Variants in PRSS23 observed in about 807,000 individuals in gnomAD.
PRSS23 encodes protease, serine 23.
PRSS23 carries 25 observed loss-of-function variants against 34.7 expected under a neutral mutation model. The observed-to-expected ratio is 0.72, with a 90% CI of 0.53 to 1.01. The LOEUF is 1.01. PRSS23 is among the 50% of genes least tolerant of loss of function. The pLI, the probability that PRSS23 is intolerant of heterozygous loss-of-function variation, is 0.00. For synonymous variants in PRSS23, 176 were observed against 186.6 expected (o/e 0.94, Z 0.46); for missense variants, 445 against 475.6 (o/e 0.94, Z 0.60).
chr11:86,806,762 CTT>C (rs2135598279), intron 1 of PRSS23, among the ~76,000 whole-genome samples: 1 of 152,312 alleles, frequency 6.6e-6, no homozygotes, highest in East Asian at 1.9e-4. Flanking sequence ...TTTAACAAAT[CTT>C]TGTCGAGTGC....
rs950068977 is a variant in PRSS23, at chr11:86,875,683, A to G, written c.206+52090A>G. On this transcript the variant is annotated intron_variant, in intron 2 of 2. Coordinates refer to the PRSS23 transcript ENST00000533902. ...AACTGCGTAATATAGAAGGAACATCAGAACAAGTTTATTTTCTTTACAGAC... is the reference window on the plus strand; with the variant it reads ...AACTGCGTAATATAGAAGGAACATCGGAACAAGTTTATTTTCTTTACAGAC... Among the ~76,000 whole-genome samples the G allele has an allele frequency of 4.6e-5, 7 of 152,258 alleles. 1 individual carries two copies. Among genetic ancestry groups the G allele is most frequent in the Non-Finnish European group, 7.3e-5 (5 of 68,046 alleles).
chr11:86,801,982 CACTG>C (rs1261731336), intron 1 of PRSS23, among the ~76,000 whole-genome samples: 13 of 152,144 alleles, frequency 8.5e-5, no homozygotes, highest in East Asian at 1.9e-4. Flanking sequence ...ATTTTTGTAA[CACTG>C]ACGACTTATT....
rs558992648 is a variant in PRSS23, at chr11:86,928,768, TTTA to T, written c.207-22440_207-22438del. Among the ~76,000 whole-genome samples, 430 of 145,726 alleles carry T rather than the reference TTTA, an allele frequency of 3.0e-3. 4 individuals carry two copies. Among genetic ancestry groups the T allele is most frequent in the African/African-American group, 0.01 (411 of 39,658 alleles). On this transcript the variant is annotated intron_variant, in intron 2 of 2. Coordinates refer to the PRSS23 transcript ENST00000533902. ...ATATATTAATATATAATACATAGGT[TTTA>T]TTATTATATCAACAGATATATTGGA...
At chr11:86,918,934 A>G (rs1346929790) in intron 2 of PRSS23, among the ~76,000 whole-genome samples, 1 of 152,242 alleles carries the variant, frequency 6.6e-6, no homozygotes, top group Admixed American at 6.5e-5. Flanking sequence ...AGAAGCCACC[A>G]TGGAAGGAGT....
chr11:86,878,320 C>T (rs1271114031), intron 2 of PRSS23, among the ~76,000 whole-genome samples: 1 of 151,004 alleles, frequency 6.6e-6, no homozygotes, highest in African/African-American at 2.4e-5. Context: ...CCAGCCGAAG[C>T]TGGACTGTAC....
intron 2 of PRSS23, chr11:86,911,079 G>A (rs1948973937): frequency 6.6e-6 from 1 of 152,052 alleles, no homozygotes; most frequent in African/African-American, 2.4e-5. Flanking sequence ...ATTACATGAT[G>A]AGTTCTAAAG....
At chr11:86,832,553 A>G (rs926880262) in intron 2 of PRSS23, 2 of 441,742 alleles carry the variant, frequency 4.5e-6, no homozygotes, top group East Asian at 6.1e-5. Flanking sequence ...CAACCACCAC[A>G]GGACCCTTTT....
chr11:86,923,873 T>C (rs1184241371), intron 2 of PRSS23, among the ~76,000 whole-genome samples: 2 of 152,168 alleles, frequency 1.3e-5, no homozygotes, highest in Non-Finnish European at 2.9e-5. Flanking sequence ...TTGTAAGAAT[T>C]CCCAACAGAA....
At chr11:86,873,404 T>C (rs978700309) in intron 2 of PRSS23, among the ~76,000 whole-genome samples, 2 of 151,900 alleles carry the variant, frequency 1.3e-5, no homozygotes, top group Non-Finnish European at 2.9e-5. Flanking sequence ...GTGACTCTCC[T>C]GCCTCAGCCT....
At chr11:86,912,902 A>C (rs77889144) in intron 2 of PRSS23, among the ~76,000 whole-genome samples, 1 of 152,166 alleles carries the variant, frequency 6.6e-6, no homozygotes, top group African/African-American at 2.4e-5. Context: ...TTCATCCAAA[A>C]AGTGTTATTT....
intron 2 of PRSS23, chr11:86,833,392 A>G (rs1260494544): frequency 3.0e-6 from 2 of 663,902 alleles, no homozygotes; most frequent in Admixed American, 1.8e-5. Flanking sequence ...GGCCAGCTGC[A>G]GTTTTGGATC....
intron 2 of PRSS23, among the ~76,000 whole-genome samples, chr11:86,940,397 G>A (rs1949199744): frequency 6.6e-6 from 1 of 152,172 alleles, no homozygotes; most frequent in Non-Finnish European, 1.5e-5. Flanking sequence ...CAGAGCTACA[G>A]AGGACACAAT....
chr11:86,907,044 C>T (rs1470023731), intron 2 of PRSS23, among the ~76,000 whole-genome samples: 2 of 152,152 alleles, frequency 1.3e-5, no homozygotes, highest in African/African-American at 4.8e-5. Flanking sequence ...GAATGAGCTG[C>T]GTTGTTTTTA....
chr11:86,802,695 G>GT (rs1436954041), intron 1 of PRSS23, among the ~76,000 whole-genome samples: 3 of 152,138 alleles, frequency 2.0e-5, no homozygotes, highest in African/African-American at 7.2e-5. Flanking sequence ...TAAGGATTAG[G>GT]TTTTCCCTCC....
At chr11:86,800,989 G>A (rs965911420) in intron 1 of PRSS23, among the ~76,000 whole-genome samples, 3 of 152,082 alleles carry the variant, frequency 2.0e-5, no homozygotes, top group African/African-American at 7.2e-5. Flanking sequence ...CGGGGGCGAT[G>A]GCTACACCCC....
At chr11:86,884,502 G>A (rs181553370) in intron 2 of PRSS23, among the ~76,000 whole-genome samples, 132 of 152,244 alleles carry the variant, frequency 8.7e-4, no homozygotes, top group Non-Finnish European at 1.4e-3. Flanking sequence ...GTTTCTCCAT[G>A]CTGGCCAAGC....
chr11:86,916,456 T>C (rs1949013332), intron 2 of PRSS23, among the ~76,000 whole-genome samples: 1 of 152,200 alleles, frequency 6.6e-6, no homozygotes, highest in Non-Finnish European at 1.5e-5. Context: ...ACCAAATCTG[T>C]GGACCTAGAG....
chr11:86,950,153 G>A (rs1470121295), intron 2 of PRSS23: 2 of 152,636 alleles, frequency 1.3e-5, no homozygotes, highest in Non-Finnish European at 2.9e-5. Flanking sequence ...TGAATGCAAA[G>A]TTGCCAAGAA....
chr11:86,879,647 G>T (rs1341209453), intron 2 of PRSS23, among the ~76,000 whole-genome samples: 1 of 139,230 alleles, frequency 7.2e-6, no homozygotes, highest in Non-Finnish European at 1.6e-5. Context: ...CCTCTGCCCG[G>T]CCAGCCGCCC....
Sources: gnomAD v4.1 joint callset for allele counts (sites outside exome capture counted in the v4.1 genomes callset) on GRCh38, gnomAD v4.1.1 for gene constraint, MANE v1.5 for transcripts, NCBI Gene and HGNC (gene_info 2026-07-23, HGNC 2026-07-21) for gene names.